BRIP1: variants seen among roughly 807,000 people sequenced by gnomAD.
BRIP1 encodes BRCA1 interacting DNA helicase 1, also known as Fanconi anemia group J protein.
In BRIP1, 88 loss-of-function variants were observed where a neutral mutation model predicts 119.7. The observed-to-expected ratio is 0.74, with a 90% CI of 0.62 to 0.88. BRIP1 has a LOEUF of 0.88. BRIP1 is among the 40% of genes least tolerant of loss of function. The pLI, the probability that BRIP1 is intolerant of heterozygous loss-of-function variation, is 0.00. For synonymous variants in BRIP1, 443 were observed against 496.5 expected (o/e 0.89, Z 1.43); for missense variants, 1,259 against 1,455.4 (o/e 0.87, Z 2.20).
At position 61,816,577 on chromosome 17, in the gene BRIP1, A is replaced by C. The variant is rs2078239971; in HGVS notation, c.628-7820T>G. ...CTGTGTTTCAATAGAGTAAATCAAT[A>C]AGAATTATCAGTTTAAGAACAAGCA... On this transcript the variant is annotated intron_variant, in intron 6 of 19. Coordinates refer to ENST00000259008, the MANE Select transcript of BRIP1 (RefSeq NM_032043.3). The surrounding 1 kb of genome is among the most constrained non-coding windows in gnomAD (Gnocchi z 5.0). Among the ~76,000 whole-genome samples the C allele has an allele frequency of 6.6e-6, 1 of 152,190 alleles. No homozygotes were observed. Among genetic ancestry groups the C allele is most frequent in the Non-Finnish European group, 1.5e-5 (1 of 68,040 alleles).
At chr17:61,859,419 C>T (rs909577172) in intron 3 of BRIP1, among the ~76,000 whole-genome samples, 7 of 152,120 alleles carry the variant, frequency 4.6e-5, no homozygotes, top group Non-Finnish European at 8.8e-5. Context: ...GCAACCTCGA[C>T]CTCCTGGGCT....
chr17:61,773,991 G>A (rs1437863227), intron 14 of BRIP1, among the ~76,000 whole-genome samples: 1 of 152,104 alleles, frequency 6.6e-6, no homozygotes, highest in Non-Finnish European at 1.5e-5. Context: ...GTTGGTGGGA[G>A]TATAAATTAG....
intron 10 of BRIP1, among the ~76,000 whole-genome samples, chr17:61,786,076 C>T (rs1431849204): frequency 6.6e-6 from 1 of 151,854 alleles, no homozygotes; most frequent in Non-Finnish European, 1.5e-5. Context: ...AATACATACA[C>T]GTGATGATAT....
At position 61,846,975 on chromosome 17, in the gene BRIP1, T is replaced by G; in HGVS notation, c.627+126A>C. The stretch of plus-strand genomic sequence containing the variant: ...CATTAGTAACAGAGATGTGACAGCA[T>G]TGAGGACTTCTGAGTGGGTTGCTAC... On this transcript the variant is annotated intron_variant, in intron 6 of 19. Coordinates refer to ENST00000259008, the MANE Select transcript of BRIP1 (RefSeq NM_032043.3). This position sits in a 1 kb window ranked among gnomAD's most constrained non-coding sequence, Gnocchi z 4.3. 9.2e-7 allele frequency: 1 copy of G among 1,084,828 alleles called. No homozygotes were observed. 67.2% of individuals were successfully genotyped at this position (1,084,828 alleles called of 1,614,324 possible).
At position 61,849,152 on chromosome 17, in the gene BRIP1, G is replaced by T. The variant is rs747604569; in HGVS notation, c.484C>A (p.Arg162=). The change falls in exon 5 of 20, where the codon CGA becomes AGA. Residue 162 remains arginine (R), a synonymous_variant. Coordinates refer to ENST00000259008, the MANE Select transcript of BRIP1 (RefSeq NM_032043.3). The part of the protein sequence containing the change: ...DDFQVEKKRI[R]PLETTQQIRK... ...ACCTGCTGTGTAGTTTCTAAGGGTC[G>T]AATTCTTTTCTTCTCTACTTGAAAA... The T allele has an allele frequency of 1.2e-6, 2 of 1,613,378 alleles. No individual in the cohort carries two copies. The highest frequency in any genetic ancestry group is 1.1e-5 in the South Asian group (1 of 91,046).
Position 61,689,314 on chromosome 17 carries a change from G to C in BRIP1, c.2576-3149C>G, listed in dbSNP as rs1420971490. ...CTTCCTCAGCCTCCCAAAGTGCTAA[G>C]AATCAGGAAATTTGAAGGCAAGTCG... On this transcript the variant is annotated intron_variant, in intron 18 of 19. Transcript: ENST00000259008. The surrounding 1 kb of genome is among the most constrained non-coding windows in gnomAD (Gnocchi z 4.5). Among the ~76,000 whole-genome samples, 5 of 151,814 alleles carry C rather than the reference G, an allele frequency of 3.3e-5. No individual in the cohort carries two copies. The highest frequency in any genetic ancestry group is 1.2e-4 in the African/African-American group (5 of 41,304).
chr17:61,765,378 A>ATT (rs1461765885), intron 14 of BRIP1, among the ~76,000 whole-genome samples: 5 of 36,608 alleles, frequency 1.4e-4, no homozygotes, highest in East Asian at 1.2e-3. Context: ...GTGTGTATAT[A>ATT]TTATATATAT....
In BRIP1 at chr17:61,775,393, T is replaced by C. The variant is rs1313459219; in HGVS notation, c.2097+1008A>G. Among the ~76,000 whole-genome samples the C allele has an allele frequency of 6.6e-6, 1 of 152,178 alleles. No homozygotes were observed. Among genetic ancestry groups the C allele is most frequent in the East Asian group, 1.9e-4 (1 of 5,202 alleles). Reference sequence around the variant, plus strand: ...AAAGTACATATATATAAAAAGACAGTAGAAGAGTCAAAAGTATCAATATTG... The same window carrying C: ...AAAGTACATATATATAAAAAGACAGCAGAAGAGTCAAAAGTATCAATATTG... On this transcript the variant is annotated intron_variant, in intron 14 of 19. Coordinates refer to ENST00000259008, the MANE Select transcript of BRIP1 (RefSeq NM_032043.3). This position sits in a 1 kb window ranked among gnomAD's most constrained non-coding sequence, Gnocchi z 4.4.
chr17:61,720,946 C>G lies in BRIP1; in HGVS notation c.2380-4883G>C, dbSNP rs958713825. On this transcript the variant is annotated intron_variant, in intron 16 of 19. Transcript: ENST00000259008. The surrounding 1 kb of genome is among the most constrained non-coding windows in gnomAD (Gnocchi z 4.3). ...GCAACCTCCGCCTCCCAGGTTCAAG[C>G]AGTTCTCCTCTCAGCCTCCCAAGTA... Among the ~76,000 whole-genome samples, 1 of 151,150 alleles carries G rather than the reference C, an allele frequency of 6.6e-6. No individual in the cohort carries two copies. Among genetic ancestry groups the G allele is most frequent in the Admixed American group, 6.6e-5 (1 of 15,190 alleles).
Position 61,806,992 on chromosome 17 carries a change from C to A in BRIP1, c.918+1475G>T, listed in dbSNP as rs937434564. ...ACAGGCATGAACCATCAGGCCCAGC[C>A]AATGTATTTTTTACAAATACATAAT... On this transcript the variant is annotated intron_variant, in intron 7 of 19. Coordinates refer to ENST00000259008, the MANE Select transcript of BRIP1 (RefSeq NM_032043.3). This position sits in a 1 kb window ranked among gnomAD's most constrained non-coding sequence, Gnocchi z 4.9. 6.6e-6 allele frequency among the ~76,000 whole-genome samples: 1 copy of A among 152,116 alleles called. No individual in the cohort carries two copies. The highest frequency in any genetic ancestry group is 2.4e-5 in the African/African-American group (1 of 41,410).
chr17:61,857,327 A>G lies in BRIP1; in HGVS notation c.206-96T>C. 8.4e-7 allele frequency: 1 copy of G among 1,185,740 alleles called. No individual in the cohort carries two copies. Among genetic ancestry groups the G allele is most frequent in the Middle Eastern group, 2.7e-4 (1 of 3,670 alleles). 73.5% of individuals were successfully genotyped at this position (1,185,740 alleles called of 1,614,324 possible). ...TTCACCCAGGATTGGGAGGTTTCCT[A>G]AGATAAAAGATTTTTAGGGCTAACA... On this transcript the variant is annotated intron_variant, in intron 3 of 19. Coordinates refer to ENST00000259008, the MANE Select transcript of BRIP1 (RefSeq NM_032043.3). The surrounding 1 kb of genome is among the most constrained non-coding windows in gnomAD (Gnocchi z 5.1).
Position 61,798,997 on chromosome 17 carries a change from A to G in BRIP1, c.1340+103T>C. 9.3e-7 allele frequency: 1 copy of G among 1,070,962 alleles called. No homozygotes were observed. The highest frequency in any genetic ancestry group is 1.4e-6 in the Non-Finnish European group (1 of 700,222). 66.3% of individuals were successfully genotyped at this position (1,070,962 alleles called of 1,614,324 possible). A position where few individuals can be genotyped will look rare whatever the true frequency, so the allele number is the denominator to read the frequency against. ...GCAAGGAACAATTCATTTCCCAAGA[A>G]GCCTAGTTAACCAAAGTTTACTAAC... is the stretch of plus-strand genomic sequence containing the variant. On this transcript the variant is annotated intron_variant, in intron 9 of 19. Transcript: ENST00000259008. This position sits in a 1 kb window ranked among gnomAD's most constrained non-coding sequence, Gnocchi z 5.5.
chr17:61,765,396 TATATATATATATATATATA>T lies in BRIP1; in HGVS notation c.2097+10986_2097+11004del. 1.3e-4 allele frequency among the ~76,000 whole-genome samples: 2 copies of T among 14,950 alleles called. 1 individual carries two copies. Among genetic ancestry groups the T allele is most frequent in the Non-Finnish European group, 3.1e-4 (2 of 6,532 alleles). 9.8% of individuals were successfully genotyped at this position (14,950 alleles called of 152,430 possible). A position where few individuals can be genotyped will look rare whatever the true frequency, so the allele number is the denominator to read the frequency against. ...TGTATATATTATATATATATATATA[TATATATATATATATATATA>T]TATATATATTTTTTTTTTTTTTTTT... On this transcript the variant is annotated intron_variant, in intron 14 of 19. Transcript: ENST00000259008.
chr17:61,824,943 T>C lies in BRIP1; in HGVS notation c.628-16186A>G, dbSNP rs1005391418. 1.3e-5 allele frequency among the ~76,000 whole-genome samples: 2 copies of C among 152,080 alleles called. No homozygotes were observed. The highest frequency in any genetic ancestry group is 2.9e-5 in the Non-Finnish European group (2 of 68,020). On this transcript the variant is annotated intron_variant, in intron 6 of 19. Coordinates refer to ENST00000259008, the MANE Select transcript of BRIP1 (RefSeq NM_032043.3). The surrounding 1 kb of genome is among the most constrained non-coding windows in gnomAD (Gnocchi z 4.3). Reference sequence around the variant, plus strand: ...TCCAAAATGGACAAAGGCAACATCATACTGAATGAGCAAAAGCTAGAAGCA... The same window carrying C: ...TCCAAAATGGACAAAGGCAACATCACACTGAATGAGCAAAAGCTAGAAGCA...
chr17:61,796,289 T>G lies in BRIP1; in HGVS notation c.1341-2560A>C, dbSNP rs750217363. On this transcript the variant is annotated intron_variant, in intron 9 of 19. Coordinates refer to ENST00000259008, the MANE Select transcript of BRIP1 (RefSeq NM_032043.3). The surrounding 1 kb of genome is among the most constrained non-coding windows in gnomAD (Gnocchi z 4.8). Reference sequence around the variant, plus strand: ...TCCCATCTGTCCATTTTTGCTTTGGTTACCTGTGCTTGTGGGGTATTGCTC... The same window carrying G: ...TCCCATCTGTCCATTTTTGCTTTGGGTACCTGTGCTTGTGGGGTATTGCTC... Among the ~76,000 whole-genome samples, 1 of 152,136 alleles carries G rather than the reference T, an allele frequency of 6.6e-6. No individual in the cohort carries two copies. Among genetic ancestry groups the G allele is most frequent in the Non-Finnish European group, 1.5e-5 (1 of 68,006 alleles).
At position 61,769,995 on chromosome 17, in the gene BRIP1, C is replaced by T. The variant is rs953026645; in HGVS notation, c.2097+6406G>A. Among the ~76,000 whole-genome samples, 1 of 152,106 alleles carries T rather than the reference C, an allele frequency of 6.6e-6. No individual in the cohort carries two copies. Among genetic ancestry groups the T allele is most frequent in the Non-Finnish European group, 1.5e-5 (1 of 68,006 alleles). On this transcript the variant is annotated intron_variant, in intron 14 of 19. Coordinates refer to ENST00000259008, the MANE Select transcript of BRIP1 (RefSeq NM_032043.3). The surrounding 1 kb of genome is among the most constrained non-coding windows in gnomAD (Gnocchi z 4.9). ...AGAGCCAAGAAAAACCCTACTGTTT[C>T]GGGCAGGAGGAGGGAAAAAAACAAC...
At position 61,693,288 on chromosome 17, in the gene BRIP1, G is replaced by A; in HGVS notation, c.2575+142C>T. On this transcript the variant is annotated intron_variant, in intron 18 of 19. Transcript: ENST00000259008. This position sits in a 1 kb window ranked among gnomAD's most constrained non-coding sequence, Gnocchi z 4.2. ...TAAGATTTAAAAGTTCTAGATATCT[G>A]CTGTGAAATACTGTGCTTATAGTTA... 1 of 766,662 alleles carries A rather than the reference G, an allele frequency of 1.3e-6. No individual in the cohort carries two copies. The highest frequency in any genetic ancestry group is 2.2e-6 in the Non-Finnish European group (1 of 457,150). The allele number at this position is 766,662 out of a possible 1,614,324, so 47.5% of individuals were successfully genotyped here. A position where few individuals can be genotyped will look rare whatever the true frequency, so the allele number is the denominator to read the frequency against.
chr17:61,802,402 G>A lies in BRIP1; in HGVS notation c.919-928C>T, dbSNP rs1398626633. Among the ~76,000 whole-genome samples the A allele has an allele frequency of 6.6e-6, 1 of 152,166 alleles. No homozygotes were observed. The highest frequency in any genetic ancestry group is 1.5e-5 in the Non-Finnish European group (1 of 68,032). On this transcript the variant is annotated intron_variant, in intron 7 of 19. Transcript: ENST00000259008. This position sits in a 1 kb window ranked among gnomAD's most constrained non-coding sequence, Gnocchi z 6.0. ...TTCAGCCCAGGAGTTCGAGGATGCAGTGAGCCATGATCAAGCCACTGCACT... is the reference window on the plus strand; with the variant it reads ...TTCAGCCCAGGAGTTCGAGGATGCAATGAGCCATGATCAAGCCACTGCACT...
Position 61,686,221 on chromosome 17 carries a change from C to T in BRIP1, c.2576-56G>A, listed in dbSNP as rs1489600430. The T allele has an allele frequency of 4.8e-6, 7 of 1,473,588 alleles. No individual in the cohort carries two copies. The African/African-American group carries it at 7.0e-5, about 15-fold the overall frequency. 91.3% of individuals were successfully genotyped at this position (1,473,588 alleles called of 1,614,324 possible). ...TGGTTACTTAGTTATTAAAATATTA[C>T]ATGCTAAGGTAATACACTTGCTTTT... On this transcript the variant is annotated intron_variant, in intron 18 of 19. Transcript: ENST00000259008. The surrounding 1 kb of genome is among the most constrained non-coding windows in gnomAD (Gnocchi z 5.4).
Sources: allele counts gnomAD v4.1 joint callset (sites outside exome capture counted in the v4.1 genomes callset), GRCh38; gene constraint gnomAD v4.1.1; non-coding constraint Gnocchi (gnomAD v3.1); transcripts MANE v1.5; gene names NCBI Gene and HGNC (gene_info 2026-07-23, HGNC 2026-07-21).